The following SDF2 variants were observed in gnomAD, a reference collection of about 807,000 sequenced individuals.
SDF2 encodes the protein stromal cell derived factor 2.
SDF2 carries 12 observed loss-of-function variants against 20.5 expected under a neutral mutation model. That is an observed-to-expected ratio of 0.58 (90% CI 0.37 to 0.95). The LOEUF (loss-of-function observed/expected upper bound fraction) is 0.95, where lower values mean the gene tolerates loss of function less well. Among genes scored for constraint, SDF2 ranks in the 40% least tolerant of loss-of-function variants. The probability of loss-of-function intolerance (pLI) is 0.01; values close to 1 mark genes in which losing one functional copy is unlikely to be tolerated. For synonymous variants in SDF2, 100 were observed against 101.0 expected (o/e 0.99, Z 0.06); for missense variants, 238 against 263.1 (o/e 0.90, Z 0.66).
At chr17:28,660,418 C>T (rs2072015651) in intron 1 of SDF2, 1 of 152,222 alleles carries the variant, frequency 6.6e-6, no homozygotes, top group Non-Finnish European at 1.5e-5. Context: ...CATCTTCAAC[C>T]ACAGTCTGTA....
intron 1 of SDF2, among the ~76,000 whole-genome samples, chr17:28,657,056 G>A (rs922621737): frequency 3.5e-4 from 53 of 151,988 alleles, no homozygotes; most frequent in African/African-American, 8.7e-4. Flanking sequence ...GTGAAACCCC[G>A]TCTCTACTAA....
chr17:28,650,325 A>G (rs57577420), intron 2 of SDF2, among the ~76,000 whole-genome samples: 15,725 of 152,058 alleles, frequency 0.1, 862 homozygotes, highest in South Asian at 0.16. Flanking sequence ...AAAAAAATTC[A>G]TTGCTATAAG....
chr17:28,649,547 C>T (rs942030194), intron 2 of SDF2, among the ~76,000 whole-genome samples: 7 of 151,794 alleles, frequency 4.6e-5, no homozygotes, highest in South Asian at 2.1e-4. Context: ...CCAGCCTGAC[C>T]GACATGGAGA....
chr17:28,661,957 G>T, upstream of SDF2: 2 of 1,509,914 alleles, frequency 1.3e-6, no homozygotes, highest in Non-Finnish European at 1.8e-6. Flanking sequence ...CGAAACCACG[G>T]AGAGAAGGAA....
At position 28,648,900 on chromosome 17, in the gene SDF2, C is replaced by T; in HGVS notation, c.*89G>A. On this transcript the variant is annotated 3_prime_UTR_variant, in exon 3 of 3. Coordinates refer to ENST00000247020, the MANE Select transcript of SDF2 (RefSeq NM_006923.4). ...ATCTCAATGGTGACATGGCCACTGCCCAAGGAACTTGTGGCAGGGATCCCA... is the reference window on the plus strand; with the variant it reads ...ATCTCAATGGTGACATGGCCACTGCTCAAGGAACTTGTGGCAGGGATCCCA... 7.3e-7 allele frequency: 1 copy of T among 1,378,486 alleles called. No homozygotes were observed. Among genetic ancestry groups the T allele is most frequent in the Non-Finnish European group, 1.0e-6 (1 of 986,556 alleles). The allele number at this position is 1,378,486 out of a possible 1,614,324, so 85.4% of individuals were successfully genotyped here.
At chr17:28,649,488 A>G (rs1439086652) in intron 2 of SDF2, among the ~76,000 whole-genome samples, 1 of 152,044 alleles carries the variant, frequency 6.6e-6, no homozygotes, top group East Asian at 1.9e-4. Flanking sequence ...GTGAAACGCT[A>G]TCCCTAAAAA....
chr17:28,654,533 G>A (rs1291670022), intron 2 of SDF2, among the ~76,000 whole-genome samples: 3 of 152,122 alleles, frequency 2.0e-5, no homozygotes, highest in African/African-American at 4.8e-5. Context: ...AAACAAAGCC[G>A]GCTGGGTGCA....
intron 2 of SDF2, among the ~76,000 whole-genome samples, chr17:28,654,541 G>A (rs946323570): frequency 2.6e-5 from 4 of 152,186 alleles, no homozygotes; most frequent in African/African-American, 9.7e-5. Flanking sequence ...CCGGCTGGGT[G>A]CAGTGGCTCA....
intron 2 of SDF2, among the ~76,000 whole-genome samples, chr17:28,650,962 A>C (rs2071910251): frequency 6.6e-6 from 1 of 151,992 alleles, no homozygotes; most frequent in Admixed American, 6.6e-5. Flanking sequence ...GTTTTTTGGT[A>C]GGCAACTGTG....
intron 1 of SDF2, among the ~76,000 whole-genome samples, chr17:28,658,634 T>C (rs968913584): frequency 4.6e-5 from 7 of 152,242 alleles, no homozygotes; most frequent in African/African-American, 1.4e-4. Flanking sequence ...CAGAACAAAA[T>C]GGAGTCTCCT....
intron 1 of SDF2, chr17:28,661,077 A>G: frequency 2.5e-6 from 1 of 393,492 alleles, no homozygotes; most frequent in Non-Finnish European, 4.8e-6. Context: ...TTTTAATTTC[A>G]AACGCTAAAA....
At chr17:28,651,207 A>G (rs2071912081) in intron 2 of SDF2, among the ~76,000 whole-genome samples, 1 of 152,126 alleles carries the variant, frequency 6.6e-6, no homozygotes, top group Non-Finnish European at 1.5e-5. Context: ...GATTACAGGC[A>G]TGTGCTACCA....
chr17:28,660,613 A>C (rs1355485458), intron 1 of SDF2: 1 of 152,456 alleles, frequency 6.6e-6, no homozygotes, highest in Admixed American at 6.5e-5. Flanking sequence ...CAAAGTAGGA[A>C]ACCAAAACAA....
rs2072047831 is a variant in SDF2 at position 28,661,707 on chromosome 17, G to A, written c.151+19C>T. The A allele has an allele frequency of 1.2e-6, 2 of 1,603,850 alleles. No homozygotes were observed. Among genetic ancestry groups the A allele is most frequent in the Non-Finnish European group, 1.7e-6 (2 of 1,171,720 alleles). On this transcript the variant is annotated intron_variant, in intron 1 of 2. Coordinates refer to ENST00000247020, the MANE Select transcript of SDF2 (RefSeq NM_006923.4). ...TCCGAGTCCTCCCTAGCCCACCCGA[G>A]CCCGGTCCCCAGCATTACCTGACCC... is the stretch of plus-strand genomic sequence containing the variant.
intron 2 of SDF2, among the ~76,000 whole-genome samples, chr17:28,652,082 G>T (rs2071918735): frequency 6.6e-6 from 1 of 152,020 alleles, no homozygotes; most frequent in Non-Finnish European, 1.5e-5. Flanking sequence ...GACGCAAGAG[G>T]ACTGCTTGAG....
At chr17:28,660,977 A>C (rs1185617817) in intron 1 of SDF2, 1 of 177,216 alleles carries the variant, frequency 5.6e-6, no homozygotes, top group Non-Finnish European at 1.2e-5. Flanking sequence ...TCACCACCGA[A>C]TCTCCTGTAT....
At chr17:28,657,196 C>T (rs749953922) in intron 1 of SDF2, among the ~76,000 whole-genome samples, 1 of 152,148 alleles carries the variant, frequency 6.6e-6, no homozygotes, top group Non-Finnish European at 1.5e-5. Context: ...CACCGCACTC[C>T]AGCCTAGGTG....
At chr17:28,650,701 G>A (rs568217315) in intron 2 of SDF2, among the ~76,000 whole-genome samples, 27 of 148,724 alleles carry the variant, frequency 1.8e-4, no homozygotes, top group African/African-American at 4.5e-4. Context: ...CAGGAGAATC[G>A]CTTGAACCTG....
chr17:28,661,894 G>C lies in SDF2; in HGVS notation c.-18C>G. The C allele has an allele frequency of 1.3e-6, 2 of 1,584,338 alleles. No homozygotes were observed. Among genetic ancestry groups the C allele is most frequent in the Non-Finnish European group, 1.7e-6 (2 of 1,157,644 alleles). On this transcript the variant is annotated 5_prime_UTR_variant, in exon 1 of 3. Coordinates refer to ENST00000247020, the MANE Select transcript of SDF2 (RefSeq NM_006923.4). ...ACAGCCATCCTAACTGTATCGCGGA[G>C]CCCCAAATCTTCGAAGAAAACTCGG...
Sources: gnomAD v4.1 joint callset for allele counts (sites outside exome capture counted in the v4.1 genomes callset) on GRCh38, gnomAD v4.1.1 for gene constraint, MANE v1.5 for transcripts, NCBI Gene and HGNC (gene_info 2026-07-23, HGNC 2026-07-21) for gene names.